ACOX3: variants seen among roughly 807,000 people sequenced by gnomAD.
The protein encoded by ACOX3 is acyl-CoA oxidase 3, pristanoyl.
A neutral mutation model predicts 81.5 loss-of-function variants in ACOX3; 73 were observed. That is an observed-to-expected ratio of 0.90 (90% CI 0.74 to 1.09). ACOX3 has a LOEUF of 1.09. ACOX3 is among the 50% of genes least tolerant of loss of function. ACOX3 has a pLI of 0.00. For missense variants in ACOX3, 947 were observed against 928.0 expected (o/e 1.02, Z -0.27); for synonymous variants, 387 against 375.1 (o/e 1.03, Z -0.37).
At position 8,423,821 on chromosome 4, in the gene ACOX3, C is replaced by A. The variant is rs1723194994; in HGVS notation, c.-14-7286G>T. On this transcript the variant is annotated intron_variant, in intron 1 of 17. Transcript: ENST00000356406. This position sits in a 1 kb window ranked among gnomAD's most constrained non-coding sequence, Gnocchi z 4.2. Reference sequence around the variant, plus strand: ...AATCTAATGTCTCAACACACCTGGACTGTTTTACCCCAAGGGTTCATGGAC... The same window carrying A: ...AATCTAATGTCTCAACACACCTGGAATGTTTTACCCCAAGGGTTCATGGAC... 6.6e-6 allele frequency among the ~76,000 whole-genome samples: 1 copy of A among 152,218 alleles called. No homozygotes were observed. Among genetic ancestry groups the A allele is most frequent in the Non-Finnish European group, 1.5e-5 (1 of 68,044 alleles).
chr4:8,357,084 C>G, the ACOX3 span: 1 of 454,872 alleles, frequency 2.2e-6, no homozygotes, highest in East Asian at 7.0e-5. Context: ...TTACATGATC[C>G]TGGCAGGTGA....
At position 8,414,490 on chromosome 4, in the gene ACOX3, C is replaced by G; in HGVS notation, c.454-109G>C. 2 of 1,008,584 alleles carry G rather than the reference C, an allele frequency of 2.0e-6. No individual in the cohort carries two copies. The highest frequency in any genetic ancestry group is 2.0e-4 in the Middle Eastern group (1 of 4,886). The allele number at this position is 1,008,584 out of a possible 1,614,324, so 62.5% of individuals were successfully genotyped here. ...TTAAAGATGAAACCACATATCAAAGCCCCAAATTTCCATCTACCCAACTAG... is the reference window on the plus strand; with the variant it reads ...TTAAAGATGAAACCACATATCAAAGGCCCAAATTTCCATCTACCCAACTAG... On this transcript the variant is annotated intron_variant, in intron 4 of 17. Transcript: ENST00000356406. This position sits in a 1 kb window ranked among gnomAD's most constrained non-coding sequence, Gnocchi z 6.1.
chr4:8,375,425 CTG>C (rs1295797000), intron 14 of ACOX3, among the ~76,000 whole-genome samples: 2 of 152,242 alleles, frequency 1.3e-5, no homozygotes, highest in East Asian at 3.9e-4. Flanking sequence ...CCGTCTGGGA[CTG>C]GGGTTGGCAC....
At chr4:8,371,694 C>T (rs184291139) in intron 16 of ACOX3, among the ~76,000 whole-genome samples, 11 of 152,378 alleles carry the variant, frequency 7.2e-5, no homozygotes, top group Non-Finnish European at 1.2e-4. Flanking sequence ...TGCGCTTCAG[C>T]GCCGCGCTCT....
chr4:8,424,119 T>C lies in ACOX3; in HGVS notation c.-14-7584A>G, dbSNP rs548521790. The stretch of plus-strand genomic sequence containing the variant: ...CCCTCAGTGAGGAATGCATCCAGCC[T>C]ATACTGGCTTATCCTTATCCCAAAA... On this transcript the variant is annotated intron_variant, in intron 1 of 17. Coordinates refer to ENST00000356406, the MANE Select transcript of ACOX3 (RefSeq NM_003501.3). Among the ~76,000 whole-genome samples the C allele has an allele frequency of 3.9e-5, 6 of 152,356 alleles. No individual in the cohort carries two copies. The East Asian group carries it at 1.2e-3, about 29-fold the overall frequency.
intron 9 of ACOX3, among the ~76,000 whole-genome samples, chr4:8,395,759 G>A (rs1301378200): frequency 6.6e-6 from 1 of 152,220 alleles, no homozygotes; most frequent in African/African-American, 2.4e-5. Context: ...CACACGGGAG[G>A]GGATGGGTGC....
Position 8,385,077 on chromosome 4 carries a change from T to C in ACOX3, c.1538-3470A>G, listed in dbSNP as rs1718145369. On this transcript the variant is annotated intron_variant, in intron 13 of 17. Transcript: ENST00000356406. This position sits in a 1 kb window ranked among gnomAD's most constrained non-coding sequence, Gnocchi z 5.5. ...CTGGCCCCTGCCAGGTGGCATGGGG[T>C]GACCGCATTCCCTCCCCACTGTCTC... Among the ~76,000 whole-genome samples, 1 of 151,636 alleles carries C rather than the reference T, an allele frequency of 6.6e-6. No individual in the cohort carries two copies. Among genetic ancestry groups the C allele is most frequent in the African/African-American group, 2.4e-5 (1 of 41,240 alleles).
At chr4:8,356,151 C>A in the ACOX3 span, 1 of 245,220 alleles carries the variant, frequency 4.1e-6, no homozygotes, top group Non-Finnish European at 8.1e-6. Flanking sequence ...ATGCATTAAC[C>A]CGTTTTAACG....
chr4:8,414,853 C>A lies in ACOX3; in HGVS notation c.453+1G>T, dbSNP rs1471572647. On this transcript the variant is annotated splice_donor_variant, in intron 4 of 17. Transcript: ENST00000356406. LOFTEE classifies it high-confidence loss of function. This position sits in a 1 kb window ranked among gnomAD's most constrained non-coding sequence, Gnocchi z 6.1. ...ACAATTTACCATGAACCAGAACTTA[C>A]CTCCATCCTGAAGATCTTTTGAATA... 6.2e-7 allele frequency: 1 copy of A among 1,613,778 alleles called. No homozygotes were observed. Among genetic ancestry groups the A allele is most frequent in the East Asian group, 2.2e-5 (1 of 44,904 alleles).
Position 8,430,522 on chromosome 4 carries a change from C to A in ACOX3, c.-15+10126G>T, listed in dbSNP as rs934634612. 6.6e-6 allele frequency among the ~76,000 whole-genome samples: 1 copy of A among 152,194 alleles called. No homozygotes were observed. The highest frequency in any genetic ancestry group is 6.5e-5 in the Admixed American group (1 of 15,284). On this transcript the variant is annotated intron_variant, in intron 1 of 17. Coordinates refer to ENST00000356406, the MANE Select transcript of ACOX3 (RefSeq NM_003501.3). This position sits in a 1 kb window ranked among gnomAD's most constrained non-coding sequence, Gnocchi z 5.2. The stretch of plus-strand genomic sequence containing the variant: ...GTCACAATTTCTGCCAAAATTACAA[C>A]TACTAATCAATTGGGTTCACATGTG...
At chr4:8,364,210 C>T (rs961123206), downstream of ACOX3, among the ~76,000 whole-genome samples, 3 of 152,198 alleles carry the variant, frequency 2.0e-5, no homozygotes, top group Non-Finnish European at 4.4e-5. This position sits in a 1 kb window ranked among gnomAD's most constrained non-coding sequence, Gnocchi z 5.0. Context: ...CTGCCTCTAA[C>T]TTCTGTCCCC....
chr4:8,396,473 T>C (rs1292047333), intron 9 of ACOX3, among the ~76,000 whole-genome samples: 1 of 152,012 alleles, frequency 6.6e-6, no homozygotes, highest in Non-Finnish European at 1.5e-5. Flanking sequence ...GGTCAGGAGT[T>C]CGAGACCGGC....
intron 1 of ACOX3, chr4:8,428,570 C>G (rs998402051): frequency 1.3e-5 from 2 of 152,316 alleles, no homozygotes; most frequent in African/African-American, 4.8e-5. Context: ...CGCTGCCACC[C>G]GGGCGGGCTG....
At chr4:8,387,412 G>A (rs16842153) in intron 13 of ACOX3, among the ~76,000 whole-genome samples, 10,620 of 152,156 alleles carry the variant, frequency 0.07, 723 homozygotes, top group African/African-American at 0.18. Flanking sequence ...TCCACGTCTC[G>A]GGTGTCACGG....
intron 5 of ACOX3, among the ~76,000 whole-genome samples, chr4:8,412,321 C>G (rs1030556976): frequency 1.3e-5 from 2 of 152,254 alleles, no homozygotes; most frequent in African/African-American, 2.4e-5. Flanking sequence ...TGCTGGGCTA[C>G]GGGTCCGCTT....
At position 8,416,015 on chromosome 4, in the gene ACOX3, A is replaced by G; in HGVS notation, c.145-16T>C. The G allele has an allele frequency of 1.9e-6, 3 of 1,609,508 alleles. No individual in the cohort carries two copies. The highest frequency in any genetic ancestry group is 2.6e-6 in the Non-Finnish European group (3 of 1,176,070). On this transcript the variant is annotated splice_polypyrimidine_tract_variant and intron_variant, in intron 2 of 17. Transcript: ENST00000356406. The surrounding 1 kb of genome is among the most constrained non-coding windows in gnomAD (Gnocchi z 4.2). Reference sequence around the variant, plus strand: ...AGATGGTTTTCTGGAAATGCAGGAGATGGGTAAGGCTTATTTGGAGTAAAA... The same window carrying G: ...AGATGGTTTTCTGGAAATGCAGGAGGTGGGTAAGGCTTATTTGGAGTAAAA...
downstream of ACOX3, among the ~76,000 whole-genome samples, chr4:8,362,529 G>A (rs761655473): frequency 4.6e-5 from 7 of 152,220 alleles, no homozygotes; most frequent in Non-Finnish European, 8.8e-5. Flanking sequence ...TTTGTAACAG[G>A]AGACAATTGG....
chr4:8,366,931 T>C lies in ACOX3; in HGVS notation c.*30A>G, dbSNP rs555221433. ...CGTCTGATTAGTTCCCTTCGTTTCA[T>C]TAGACTTGGCTGAATGTGTGCCAGT... is the stretch of plus-strand genomic sequence containing the variant. On this transcript the variant is annotated 3_prime_UTR_variant, in exon 18 of 18. Coordinates refer to ENST00000356406, the MANE Select transcript of ACOX3 (RefSeq NM_003501.3). 5 of 1,611,868 alleles carry C rather than the reference T, an allele frequency of 3.1e-6. No homozygotes were observed. The highest frequency in any genetic ancestry group is 3.3e-5 in the Admixed American group (2 of 59,982).
At chr4:8,371,219 G>A (rs1209144448) in intron 16 of ACOX3, among the ~76,000 whole-genome samples, 3 of 152,180 alleles carry the variant, frequency 2.0e-5, no homozygotes, top group African/African-American at 7.2e-5. Context: ...AGGACTTCTA[G>A]GGCTTGTTTC....
Sources: allele counts gnomAD v4.1 joint callset (sites outside exome capture counted in the v4.1 genomes callset), GRCh38; gene constraint gnomAD v4.1.1; non-coding constraint Gnocchi (gnomAD v3.1); transcripts MANE v1.5; gene names NCBI Gene and HGNC (gene_info 2026-07-23, HGNC 2026-07-21).